SHC4: variants seen among roughly 807,000 people sequenced by gnomAD.
The protein encoded by SHC4 is SHC-transforming protein 4.
In SHC4, 41 loss-of-function variants were observed where a neutral mutation model predicts 69.4. The ratio of observed to expected loss-of-function variants is 0.59; its 90% CI spans 0.46 to 0.77. The LOEUF (loss-of-function observed/expected upper bound fraction) is 0.77, where lower values mean the gene tolerates loss of function less well. SHC4 is among the 30% of genes least tolerant of loss of function. The pLI, the probability that SHC4 is intolerant of heterozygous loss-of-function variation, is 0.00. For synonymous variants in SHC4, 318 were observed against 299.3 expected, an observed-to-expected ratio of 1.06 and a Z score of -0.64; for missense variants, 777 against 783.8, an observed-to-expected ratio of 0.99 and a Z score of 0.10.
chr15:48,908,873 T>C (rs1020057281), intron 2 of SHC4, among the ~76,000 whole-genome samples: 5 of 152,182 alleles, frequency 3.3e-5, no homozygotes, highest in African/African-American at 1.2e-4. Context: ...GTATTTGGAT[T>C]TATTTCTGGG....
At chr15:48,909,521 C>G (rs538157765) in intron 2 of SHC4, among the ~76,000 whole-genome samples, 1 of 152,118 alleles carries the variant, frequency 6.6e-6, no homozygotes, top group South Asian at 2.1e-4. Context: ...TTGACTTCCT[C>G]TTTACTGATT....
At chr15:48,875,676 A>G (rs1044457115) in intron 4 of SHC4, among the ~76,000 whole-genome samples, 8 of 152,220 alleles carry the variant, frequency 5.3e-5, no homozygotes, top group African/African-American at 1.9e-4. Flanking sequence ...AGAACTATTC[A>G]AGTCTTTGAA....
chr15:48,930,750 C>T (rs1900949263), intron 1 of SHC4, among the ~76,000 whole-genome samples: 1 of 152,152 alleles, frequency 6.6e-6, no homozygotes, highest in Non-Finnish European at 1.5e-5. Context: ...ATGGTAGAGG[C>T]CACCAAAATG....
At chr15:48,880,031 G>A (rs886103428) in intron 4 of SHC4, 3 of 167,072 alleles carry the variant, frequency 1.8e-5, no homozygotes, top group Non-Finnish European at 4.4e-5. Context: ...TTACTAAGAT[G>A]CTGAAGTTCT....
intron 2 of SHC4, among the ~76,000 whole-genome samples, chr15:48,917,014 A>G (rs548987521): frequency 9.2e-5 from 14 of 152,252 alleles, no homozygotes; most frequent in South Asian, 2.1e-4. Flanking sequence ...GGGTATCAAA[A>G]TGTATTCTGT....
intron 2 of SHC4, among the ~76,000 whole-genome samples, chr15:48,911,333 T>C (rs549757772): frequency 9.2e-5 from 14 of 152,346 alleles, no homozygotes; most frequent in Non-Finnish European, 1.8e-4. Flanking sequence ...TCATTGTCTC[T>C]TTTACTGATG....
At chr15:48,835,672 C>T in intron 10 of SHC4, among the ~76,000 whole-genome samples, 1 of 152,108 alleles carries the variant, frequency 6.6e-6, no homozygotes, top group South Asian at 2.1e-4. Flanking sequence ...AAGGCAGCTC[C>T]CCAAGGCGCT....
At chr15:48,929,388 T>G (rs1470698964) in intron 1 of SHC4, among the ~76,000 whole-genome samples, 1 of 152,216 alleles carries the variant, frequency 6.6e-6, no homozygotes, top group African/African-American at 2.4e-5. Flanking sequence ...AGGACAACCA[T>G]GAAAAGAGAT....
intron 1 of SHC4, among the ~76,000 whole-genome samples, chr15:48,939,871 A>G (rs1283914596): frequency 6.6e-6 from 1 of 152,248 alleles, no homozygotes; most frequent in Non-Finnish European, 1.5e-5. Flanking sequence ...CTGCTCTGAA[A>G]GGTTAGGCAA....
intron 5 of SHC4, among the ~76,000 whole-genome samples, chr15:48,868,839 G>A (rs61093424): frequency 0.015 from 2,311 of 152,118 alleles, 14 homozygotes; most frequent in African/African-American, 0.032. Flanking sequence ...TTTCTCTTAC[G>A]CAAAAAGAAA....
intron 1 of SHC4, among the ~76,000 whole-genome samples, chr15:48,949,753 C>T (rs7173480): frequency 0.73 from 107,840 of 148,640 alleles, 39,539 homozygotes; most frequent in East Asian, 0.9. Context: ...CCCTCATCTA[C>T]AATACCTTAA....
chr15:48,912,054 A>C (rs1313147968), intron 2 of SHC4, among the ~76,000 whole-genome samples: 1 of 151,978 alleles, frequency 6.6e-6, no homozygotes. Context: ...TAACTTTGAC[A>C]ATGTGCCTAG....
At chr15:48,887,871 C>A (rs1344013865) in intron 3 of SHC4, among the ~76,000 whole-genome samples, 2 of 152,118 alleles carry the variant, frequency 1.3e-5, no homozygotes, top group South Asian at 2.1e-4. Flanking sequence ...CTACTGTGAA[C>A]AATTGTATGC....
intron 2 of SHC4, among the ~76,000 whole-genome samples, chr15:48,916,714 C>T (rs1026734399): frequency 2.0e-5 from 3 of 152,096 alleles, no homozygotes; most frequent in African/African-American, 7.2e-5. Context: ...TAACAGTTCC[C>T]CATTTTCCTT....
intron 4 of SHC4, among the ~76,000 whole-genome samples, chr15:48,873,470 C>A (rs1250559877): frequency 6.6e-6 from 1 of 152,202 alleles, no homozygotes; most frequent in Non-Finnish European, 1.5e-5. Flanking sequence ...GTCGGCCGGG[C>A]GCAGTGGCTC....
intron 9 of SHC4, among the ~76,000 whole-genome samples, chr15:48,844,397 T>C (rs1899050128): frequency 6.6e-6 from 1 of 152,286 alleles, no homozygotes; most frequent in Middle Eastern, 3.4e-3. Flanking sequence ...CAGCTACCCT[T>C]CTTCCTCTCT....
chr15:48,911,338 C>A (rs1324076919), intron 2 of SHC4, among the ~76,000 whole-genome samples: 1 of 152,060 alleles, frequency 6.6e-6, no homozygotes, highest in Non-Finnish European at 1.5e-5. Context: ...GTCTCTTTTA[C>A]TGATGTTGCT....
At chr15:48,885,248 C>T (rs1290267080) in intron 3 of SHC4, among the ~76,000 whole-genome samples, 1 of 152,146 alleles carries the variant, frequency 6.6e-6, no homozygotes, top group African/African-American at 2.4e-5. Flanking sequence ...GGCAGATTTC[C>T]TCAGGCAGAA....
At chr15:48,961,487 C>T (rs1901546094) in intron 1 of SHC4, among the ~76,000 whole-genome samples, 1 of 152,178 alleles carries the variant, frequency 6.6e-6, no homozygotes. Flanking sequence ...CCCCTGCAGC[C>T]ACCACAGTGA....
Sources: allele counts gnomAD v4.1 joint callset (sites outside exome capture counted in the v4.1 genomes callset), GRCh38; gene constraint gnomAD v4.1.1; transcripts MANE v1.5; gene names NCBI Gene and HGNC (gene_info 2026-07-23, HGNC 2026-07-21).